The following SLC2A13 variants were observed in gnomAD, a reference collection of about 807,000 sequenced individuals.
The protein encoded by SLC2A13 is solute carrier family 2 member 13.
Under a neutral mutation model 64.4 loss-of-function variants are expected in SLC2A13, and 32 were observed. The observed-to-expected ratio is 0.50, with a 90% CI of 0.37 to 0.67. The LOEUF (loss-of-function observed/expected upper bound fraction) is 0.67, where lower values mean the gene tolerates loss of function less well. Among genes scored for constraint, SLC2A13 ranks in the 30% least tolerant of loss-of-function variants. The probability of loss-of-function intolerance (pLI) is 0.00; values close to 1 mark genes in which losing one functional copy is unlikely to be tolerated. For missense variants in SLC2A13, 743 were observed against 829.2 expected, an observed-to-expected ratio of 0.90 and a Z score of 1.28; for synonymous variants, 338 against 327.1, an observed-to-expected ratio of 1.03 and a Z score of -0.36.
At position 40,028,493 on chromosome 12, in the gene SLC2A13, C is replaced by G; in HGVS notation, c.733G>C (p.Ala245Pro). The G allele has an allele frequency of 6.2e-7, 1 of 1,613,698 alleles. No homozygotes were observed. The highest frequency in any genetic ancestry group is 8.5e-7 in the Non-Finnish European group (1 of 1,179,864). Residue 245 changes from alanine to proline, a missense_variant, in exon 3 of 10, where the codon GCA (alanine) becomes CCA (proline). Around this residue, in one of 2 missense-constraint regions of SLC2A13, gnomAD observed 448 missense variants for 447.4 expected, o/e 1.00. Transcript: ENST00000280871. ...AACTGTATAACCGCCGGAACTGCTG[C>G]AAGTCCCAACATGTACCTGCAAAGA... ...KDGWRYMLGL[A>P]AVPAVIQFFG...
At chr12:39,837,947 T>C (rs1943065502) in intron 6 of SLC2A13, among the ~76,000 whole-genome samples, 1 of 151,040 alleles carries the variant, frequency 6.6e-6, no homozygotes, top group Admixed American at 6.6e-5. Flanking sequence ...TCCTCAGGGA[T>C]CTAGAACTAG....
rs368120729 is a variant in SLC2A13, at chr12:39,780,560, T to G, written c.1446-15702A>C. 2.0e-5 allele frequency among the ~76,000 whole-genome samples: 3 copies of G among 152,202 alleles called. No homozygotes were observed. The South Asian group carries it at 6.2e-4, about 32-fold the overall frequency. Reference sequence around the variant, plus strand: ...GCCTCTGTGTCCTGTATATTCTCTTTTGACTCAGTATCCATTTGGCCCCAA... The same window carrying G: ...GCCTCTGTGTCCTGTATATTCTCTTGTGACTCAGTATCCATTTGGCCCCAA... On this transcript the variant is annotated intron_variant, in intron 7 of 9. Transcript: ENST00000280871.
At chr12:39,940,981 T>G (rs1946014534) in intron 4 of SLC2A13, among the ~76,000 whole-genome samples, 1 of 152,132 alleles carries the variant, frequency 6.6e-6, no homozygotes, top group Non-Finnish European at 1.5e-5. Flanking sequence ...TTTCCATTGC[T>G]GTTACATCAC....
intron 3 of SLC2A13, among the ~76,000 whole-genome samples, chr12:40,007,455 A>C (rs1240715271): frequency 3.9e-5 from 6 of 152,134 alleles, no homozygotes; most frequent in Non-Finnish European, 7.4e-5. Flanking sequence ...ACTGTCCACC[A>C]AACTATTTTA....
intron 4 of SLC2A13, among the ~76,000 whole-genome samples, chr12:39,921,104 T>G (rs1178629482): frequency 6.6e-6 from 1 of 152,102 alleles, no homozygotes; most frequent in African/African-American, 2.4e-5. Context: ...GATTATGGTT[T>G]TATACATAGG....
chr12:39,804,358 C>A (rs913998417), intron 7 of SLC2A13, among the ~76,000 whole-genome samples: 1 of 152,112 alleles, frequency 6.6e-6, no homozygotes, highest in Non-Finnish European at 1.5e-5. Context: ...TGATAATATA[C>A]TTCGAGCTAT....
At chr12:39,851,345 A>C (rs945136520) in intron 6 of SLC2A13, among the ~76,000 whole-genome samples, 2 of 152,234 alleles carry the variant, frequency 1.3e-5, no homozygotes, top group African/African-American at 4.8e-5. Flanking sequence ...GATTTATGAC[A>C]TAAAAATCAT....
At chr12:39,883,773 T>C (rs2135963609) in intron 4 of SLC2A13, among the ~76,000 whole-genome samples, 1 of 152,344 alleles carries the variant, frequency 6.6e-6, no homozygotes, top group East Asian at 1.9e-4. Flanking sequence ...CAAATATATG[T>C]AGTTTTATGC....
At chr12:39,799,248 C>T (rs1302930746) in intron 7 of SLC2A13, among the ~76,000 whole-genome samples, 5 of 111,282 alleles carry the variant, frequency 4.5e-5, no homozygotes, top group Non-Finnish European at 8.7e-5. Context: ...TGCCACTATG[C>T]TTAGCCTTTT....
chr12:40,053,789 A>G lies in SLC2A13; in HGVS notation c.557-5579T>C, dbSNP rs185348100. On this transcript the variant is annotated intron_variant, in intron 1 of 9. Coordinates refer to ENST00000280871, the MANE Select transcript of SLC2A13 (RefSeq NM_052885.4). ...GTGCTCAGTCTACTCACATCTGCCC[A>G]ATACGCACATGTTAGGCACAGGGCC... Among the ~76,000 whole-genome samples the G allele has an allele frequency of 1.4e-3, 210 of 152,300 alleles. 1 individual carries two copies. Among genetic ancestry groups the G allele is most frequent in the African/African-American group, 4.8e-3 (200 of 41,562 alleles).
chr12:40,035,593 T>C (rs1255947580), intron 2 of SLC2A13, among the ~76,000 whole-genome samples: 1 of 152,128 alleles, frequency 6.6e-6, no homozygotes. Flanking sequence ...AAAATTTCAA[T>C]GTGCACAGAT....
chr12:39,921,254 G>GTC (rs1328088005), intron 4 of SLC2A13, among the ~76,000 whole-genome samples: 1 of 152,038 alleles, frequency 6.6e-6, no homozygotes, highest in Non-Finnish European at 1.5e-5. Context: ...CGCATGCATG[G>GTC]TCTTCCTTCT....
chr12:40,018,580 C>A (rs1592010804), intron 3 of SLC2A13, among the ~76,000 whole-genome samples: 1 of 152,154 alleles, frequency 6.6e-6, no homozygotes, highest in Non-Finnish European at 1.5e-5. Context: ...TTTAGTTCAG[C>A]CTTTTTGTCA....
chr12:39,949,131 T>A (rs1394266755), intron 4 of SLC2A13, among the ~76,000 whole-genome samples: 1 of 152,152 alleles, frequency 6.6e-6, no homozygotes. Flanking sequence ...TTACACTAAA[T>A]TTTATGGGCT....
intron 3 of SLC2A13, among the ~76,000 whole-genome samples, chr12:39,959,241 C>T (rs1420791386): frequency 6.6e-6 from 1 of 152,166 alleles, no homozygotes; most frequent in Non-Finnish European, 1.5e-5. Context: ...CAAGCTGGTG[C>T]TTGGCACATG....
At position 40,106,025 on chromosome 12, in the gene SLC2A13, C is replaced by T. The variant is rs576976056; in HGVS notation, c.-217G>A. Reference sequence around the variant, plus strand: ...CCGACGCTGCGGAGTTGGAGCCCGGCGGGTCTCACTCCACACTCACGCCCC... The same window carrying T: ...CCGACGCTGCGGAGTTGGAGCCCGGTGGGTCTCACTCCACACTCACGCCCC... On this transcript the variant is annotated 5_prime_UTR_variant, in exon 1 of 10. Coordinates refer to ENST00000280871, the MANE Select transcript of SLC2A13 (RefSeq NM_052885.4). The T allele has an allele frequency of 6.3e-6, 3 of 476,172 alleles. No individual in the cohort carries two copies. Among genetic ancestry groups the T allele is most frequent in the Non-Finnish European group, 1.0e-5 (3 of 292,984 alleles). 29.5% of individuals were successfully genotyped at this position (476,172 alleles called of 1,614,324 possible).
chr12:39,855,691 CT>C (rs1329122665), intron 6 of SLC2A13, among the ~76,000 whole-genome samples: 2 of 152,116 alleles, frequency 1.3e-5, no homozygotes, highest in Non-Finnish European at 2.9e-5. Context: ...TTCTAAAGTA[CT>C]ATATTCTTCG....
chr12:40,068,985 T>C lies in SLC2A13; in HGVS notation c.557-20775A>G, dbSNP rs528261109. On this transcript the variant is annotated intron_variant, in intron 1 of 9. Coordinates refer to ENST00000280871, the MANE Select transcript of SLC2A13 (RefSeq NM_052885.4). ...AAATGTGGCCACTGGTGAACAGCCATGTCTAGGAATGTCTAGACATAAAAT... is the reference window on the plus strand; with the variant it reads ...AAATGTGGCCACTGGTGAACAGCCACGTCTAGGAATGTCTAGACATAAAAT... 2.6e-5 allele frequency among the ~76,000 whole-genome samples: 4 copies of C among 152,250 alleles called. No individual in the cohort carries two copies. In the South Asian group the frequency reaches 8.3e-4, roughly 32 times the overall value.
intron 3 of SLC2A13, among the ~76,000 whole-genome samples, chr12:39,969,202 A>G (rs948440090): frequency 6.6e-6 from 1 of 152,106 alleles, no homozygotes; most frequent in African/African-American, 2.4e-5. Context: ...TCTATCATTG[A>G]TGGACATTTG....
Sources: gnomAD v4.1 joint callset for allele counts (sites outside exome capture counted in the v4.1 genomes callset) on GRCh38, gnomAD v4.1.1 for gene constraint, gnomAD v4.1.1 regional missense constraint, MANE v1.5 for transcripts, NCBI Gene and HGNC (gene_info 2026-07-23, HGNC 2026-07-21) for gene names.